The following MECOM variants were observed in gnomAD, a reference collection of about 807,000 sequenced individuals.
MECOM encodes the protein MDS1 and EVI1 complex locus, also known as histone-lysine N-methyltransferase MECOM.
In MECOM, 13 loss-of-function variants were observed where a neutral mutation model predicts 116.3. The ratio of observed to expected loss-of-function variants is 0.11; its 90% CI spans 0.07 to 0.18. MECOM has a LOEUF of 0.18. Among genes scored for constraint, MECOM ranks in the 10% least tolerant of loss-of-function variants. The probability of loss-of-function intolerance (pLI) is 1.00; values close to 1 mark genes in which losing one functional copy is unlikely to be tolerated. For missense variants in MECOM, 1,299 were observed against 1,509.0 expected (o/e 0.86, Z 2.31); for synonymous variants, 528 against 535.2 (o/e 0.99, Z 0.19).
chr3:169,514,300 C>CAAAA (rs59456802), intron 1 of MECOM, among the ~76,000 whole-genome samples: 2 of 148,582 alleles, frequency 1.3e-5, no homozygotes, highest in African/African-American at 4.9e-5. Flanking sequence ...AGCACAGAGT[C>CAAAA]AAAAAAAAAA....
intron 2 of MECOM, among the ~76,000 whole-genome samples, chr3:169,331,460 A>G (rs1478866025): frequency 6.6e-6 from 1 of 152,182 alleles, no homozygotes; most frequent in Admixed American, 6.6e-5. Context: ...CATCCCCATG[A>G]AAAAGCAATA....
At chr3:169,602,958 T>C (rs965189852) in intron 1 of MECOM, among the ~76,000 whole-genome samples, 1 of 152,228 alleles carries the variant, frequency 6.6e-6, no homozygotes, top group Admixed American at 6.5e-5. Context: ...CCAATACATA[T>C]ATTCACTCAT....
chr3:169,260,134 G>C (rs1485734855), intron 2 of MECOM, among the ~76,000 whole-genome samples: 2 of 152,114 alleles, frequency 1.3e-5, no homozygotes, highest in Non-Finnish European at 2.9e-5. Flanking sequence ...GGTATTAATA[G>C]GTTCGTGTCC....
chr3:169,406,411 A>G (rs1468075451), intron 1 of MECOM, among the ~76,000 whole-genome samples: 1 of 152,162 alleles, frequency 6.6e-6, no homozygotes, highest in African/African-American at 2.4e-5. Flanking sequence ...ATCAATCTCT[A>G]TGTGATTGTG....
intron 1 of MECOM, among the ~76,000 whole-genome samples, chr3:169,416,294 T>C (rs1454926132): frequency 6.6e-6 from 1 of 152,006 alleles, no homozygotes; most frequent in Non-Finnish European, 1.5e-5. Flanking sequence ...ATAATGAAAT[T>C]AAGGCAGAAA....
intron 1 of MECOM, among the ~76,000 whole-genome samples, chr3:169,440,862 G>A (rs545436448): frequency 6.6e-6 from 1 of 152,044 alleles, no homozygotes; most frequent in Non-Finnish European, 1.5e-5. Context: ...AATCACCTCT[G>A]GATATGAAGA....
chr3:169,139,963 A>T (rs997691657), intron 3 of MECOM, among the ~76,000 whole-genome samples: 5 of 40,694 alleles, frequency 1.2e-4, no homozygotes, highest in Non-Finnish European at 2.0e-4. Context: ...AGTTTTCTTT[A>T]AAAAAAAAAA....
At chr3:169,495,540 T>C (rs779056352) in intron 1 of MECOM, among the ~76,000 whole-genome samples, 4 of 152,224 alleles carry the variant, frequency 2.6e-5, no homozygotes, top group Non-Finnish European at 5.9e-5. Flanking sequence ...AGAATGCTTG[T>C]TTCTTAGTTG....
At chr3:169,397,083 G>A (rs981189692) in intron 1 of MECOM, among the ~76,000 whole-genome samples, 4 of 152,178 alleles carry the variant, frequency 2.6e-5, no homozygotes, top group African/African-American at 9.7e-5. Flanking sequence ...GATCTAAAAT[G>A]TCATTGTCTT....
At chr3:169,370,118 T>C (rs2108181558) in intron 2 of MECOM, among the ~76,000 whole-genome samples, 1 of 152,014 alleles carries the variant, frequency 6.6e-6, no homozygotes, top group East Asian at 1.9e-4. Context: ...TAAAGGGTCC[T>C]AGGGGAGAAA....
chr3:169,312,084 G>T (rs1718884211), intron 2 of MECOM, among the ~76,000 whole-genome samples: 1 of 152,210 alleles, frequency 6.6e-6, no homozygotes, highest in East Asian at 1.9e-4. Flanking sequence ...ACTCTGAGTT[G>T]GGACGCCACT....
chr3:169,212,188 C>T (rs1750811103), intron 2 of MECOM, among the ~76,000 whole-genome samples: 1 of 152,024 alleles, frequency 6.6e-6, no homozygotes, highest in Non-Finnish European at 1.5e-5. Flanking sequence ...TCTCCTTCCA[C>T]TACACTTCTC....
At position 169,583,758 on chromosome 3, in the gene MECOM, G is replaced by A. The variant is rs114855049; in HGVS notation, c.37+79578C>T. On this transcript the variant is annotated intron_variant, in intron 1 of 16. Transcript: ENST00000651503. ...CTCCTGGATCCAAGCATGCCACCAC[G>A]TCTGGCTAATTTTTTTTTTTTTTTT... Among the ~76,000 whole-genome samples, 923 of 148,920 alleles carry A rather than the reference G, an allele frequency of 6.2e-3. 16 individuals are homozygous for A. Among genetic ancestry groups the A allele is most frequent in the African/African-American group, 0.022 (891 of 40,452 alleles).
chr3:169,238,123 T>C (rs574833400), intron 2 of MECOM, among the ~76,000 whole-genome samples: 2 of 141,924 alleles, frequency 1.4e-5, no homozygotes, highest in African/African-American at 5.4e-5. Flanking sequence ...TGGAGTGAGC[T>C]GAGATCATGC....
At chr3:169,514,577 C>T (rs1311365845) in intron 1 of MECOM, among the ~76,000 whole-genome samples, 1 of 152,232 alleles carries the variant, frequency 6.6e-6, no homozygotes, top group African/African-American at 2.4e-5. Context: ...CAAAACCTTT[C>T]CTTTCATTCA....
chr3:169,284,630 C>CAT (rs918123466), intron 2 of MECOM, among the ~76,000 whole-genome samples: 36 of 151,468 alleles, frequency 2.4e-4, no homozygotes, highest in African/African-American at 8.5e-4. Context: ...GATAAATATC[C>CAT]ATATATATAT....
rs1400633149 is a variant in MECOM at position 169,133,981 on chromosome 3, T to C, written c.511-2450A>G. ...TTCCAACAACATGTTGACATTTGAATTGTGACATATTAGAACTTTTCGGTG... is the reference window on the plus strand; with the variant it reads ...TTCCAACAACATGTTGACATTTGAACTGTGACATATTAGAACTTTTCGGTG... On this transcript the variant is annotated intron_variant, in intron 3 of 16. Coordinates refer to ENST00000651503, the MANE Select transcript of MECOM (RefSeq NM_004991.4). 6.2e-6 allele frequency: 8 copies of C among 1,288,568 alleles called. No homozygotes were observed. In the Admixed American group the frequency reaches 1.8e-4, roughly 30 times the overall value. The allele number at this position is 1,288,568 out of a possible 1,614,324, so 79.8% of individuals were successfully genotyped here.
intron 2 of MECOM, among the ~76,000 whole-genome samples, chr3:169,350,985 T>C (rs1726224629): frequency 6.6e-6 from 1 of 151,876 alleles, no homozygotes; most frequent in African/African-American, 2.4e-5. Flanking sequence ...ATTATAGTAC[T>C]AGTAACCCAC....
At chr3:169,499,683 A>G (rs1754298201) in intron 1 of MECOM, among the ~76,000 whole-genome samples, 1 of 152,100 alleles carries the variant, frequency 6.6e-6, no homozygotes, top group Admixed American at 6.5e-5. Context: ...ATGCTGATAT[A>G]TCTAAAGCAT....
Sources: gnomAD v4.1 joint callset for allele counts (sites outside exome capture counted in the v4.1 genomes callset) on GRCh38, gnomAD v4.1.1 for gene constraint, MANE v1.5 for transcripts, NCBI Gene and HGNC (gene_info 2026-07-23, HGNC 2026-07-21) for gene names.